Variants in RPS6KB1 observed in about 807,000 individuals in gnomAD.
The protein encoded by RPS6KB1 is ribosomal protein S6 kinase beta-1.
In RPS6KB1, 12 loss-of-function variants were observed where a neutral mutation model predicts 70.2. The observed-to-expected ratio is 0.17, with a 90% CI of 0.11 to 0.28. The LOEUF (loss-of-function observed/expected upper bound fraction) is 0.28, where lower values mean the gene tolerates loss of function less well. Among genes scored for constraint, RPS6KB1 ranks in the 10% least tolerant of loss-of-function variants. The pLI is 1.00. For synonymous variants in RPS6KB1, 175 were observed against 211.2 expected (o/e 0.83, Z 1.49); for missense variants, 270 against 646.6 (o/e 0.42, Z 6.32).
Position 59,947,732 on chromosome 17 carries a change from A to G in RPS6KB1, c.*944A>G, listed in dbSNP as rs2045011773. On this transcript the variant is annotated 3_prime_UTR_variant, in exon 15 of 15. Transcript: ENST00000225577. ...ACCAGTATTTGGTTCAAGACACCAA[A>G]TGTCTTCAGCCCATGGCTGAAGAAC... 1.5e-6 allele frequency: 1 copy of G among 657,868 alleles called. No homozygotes were observed. Among genetic ancestry groups the G allele is most frequent in the Non-Finnish European group, 2.8e-6 (1 of 359,302 alleles). 40.8% of individuals were successfully genotyped at this position (657,868 alleles called of 1,614,324 possible).
intron 3 of RPS6KB1, 85 bp from the exon 4 acceptor site, chr17:59,914,550 G>C: frequency 1.1e-6 from 1 of 929,268 alleles, no homozygotes; most frequent in South Asian, 1.4e-5. Flanking sequence ...AAACTGCTGT[G>C]GCATATGTTT....
chr17:59,916,233 T>G (rs1477855826), intron 4 of RPS6KB1, among the ~76,000 whole-genome samples: 1 of 152,172 alleles, frequency 6.6e-6, no homozygotes, highest in East Asian at 1.9e-4. Flanking sequence ...CCTGAGTGTC[T>G]GGGATTACAG....
At chr17:59,911,824 G>A (rs1449726595) in intron 2 of RPS6KB1, among the ~76,000 whole-genome samples, 1 of 151,620 alleles carries the variant, frequency 6.6e-6, no homozygotes, top group Admixed American at 6.6e-5. Context: ...TTGAACTCTC[G>A]ACCTCAAGTG....
chr17:59,903,802 A>G (rs902053801), intron 1 of RPS6KB1, among the ~76,000 whole-genome samples: 3 of 152,166 alleles, frequency 2.0e-5, no homozygotes, highest in Non-Finnish European at 2.9e-5. Flanking sequence ...ATGATGTTGA[A>G]CATCTTTCCA....
intron 1 of RPS6KB1, among the ~76,000 whole-genome samples, chr17:59,904,900 T>C (rs925244950): frequency 6.6e-6 from 1 of 152,076 alleles, no homozygotes; most frequent in Non-Finnish European, 1.5e-5. Flanking sequence ...TTTCACTATG[T>C]TGGCCAGGCT....
chr17:59,907,383 A>G (rs1462379227), intron 1 of RPS6KB1: 1 of 152,176 alleles, frequency 6.6e-6, no homozygotes, highest in South Asian at 2.1e-4. Context: ...GATAGGATTC[A>G]GTTGAATCCG....
chr17:59,894,991 C>G (rs939769362), intron 1 of RPS6KB1, among the ~76,000 whole-genome samples: 1 of 140,222 alleles, frequency 7.1e-6, no homozygotes, highest in Non-Finnish European at 1.5e-5. Context: ...TTTTTCTTTT[C>G]TTTTCTTTTC....
rs759339609 is a variant in RPS6KB1 at position 59,934,572 on chromosome 17, C to CA, written c.870+49dup. The CA allele has an allele frequency of 4.3e-6, 6 of 1,408,324 alleles. No individual in the cohort carries two copies. The highest frequency in any genetic ancestry group is 6.0e-6 in the Non-Finnish European group (6 of 996,148). The allele number at this position is 1,408,324 out of a possible 1,614,324, so 87.2% of individuals were successfully genotyped here. Reference sequence around the variant, plus strand: ...CATGTATTATTGGTCTGTGCTGAGTCACTATAGCAAGAGACCTGTCCTGTG... The same window carrying CA: ...CATGTATTATTGGTCTGTGCTGAGTCAACTATAGCAAGAGACCTGTCCTGTG... On this transcript the variant is annotated intron_variant, in intron 9 of 14. Coordinates refer to ENST00000225577, the MANE Select transcript of RPS6KB1 (RefSeq NM_003161.4). This position sits in a 1 kb window ranked among gnomAD's most constrained non-coding sequence, Gnocchi z 4.8.
At position 59,940,864 on chromosome 17, in the gene RPS6KB1, A is replaced by G; in HGVS notation, c.1148A>G (p.Asp383Gly). ...TCTGAAGAGGATGTAAGTCAGTTTG[A>G]TTCCAAGTTTACACGTCAGACACCT... Reference protein sequence around the residue: ...LQSEEDVSQFDSKFTRQTPVD... With the variant: ...LQSEEDVSQFGSKFTRQTPVD... Residue 383 changes from aspartate (D) to glycine (G), a missense_variant, in exon 13 of 15, where the codon GAT becomes GGT. By Grantham distance (94) the Asp-to-Gly change is moderately conservative. This residue lies in a region of RPS6KB1 where 133 missense variants were observed against 314.7 expected (regional missense o/e 0.42). Coordinates refer to ENST00000225577, the MANE Select transcript of RPS6KB1 (RefSeq NM_003161.4). 1 of 1,592,390 alleles carries G rather than the reference A, an allele frequency of 6.3e-7. No individual in the cohort carries two copies.
Position 59,930,096 on chromosome 17 carries a change from GT to G in RPS6KB1, c.530-15del, listed in dbSNP as rs748222562. On this transcript the variant is annotated intron_variant, in intron 5 of 14. Coordinates refer to ENST00000225577, the MANE Select transcript of RPS6KB1 (RefSeq NM_003161.4). ...AAATAAATATTGTTTTATTTATAAT[GT>G]TTTTTCTTTTTCTTTACAGGAGGAG... 1.0e-5 allele frequency: 12 copies of G among 1,188,072 alleles called. No homozygotes were observed. The highest frequency in any genetic ancestry group is 1.5e-5 in the Non-Finnish European group (12 of 792,138). The allele number at this position is 1,188,072 out of a possible 1,614,324, so 73.6% of individuals were successfully genotyped here.
In RPS6KB1 at chr17:59,893,473, G is replaced by A; in HGVS notation, c.141+148G>A. The stretch of plus-strand genomic sequence containing the variant: ...GCGGCCTGAGACAGGGGAGCGGGCG[G>A]GGCGGTCATGGCCCTAGGTGTGAGG... On this transcript the variant is annotated intron_variant, in intron 1 of 14. Coordinates refer to ENST00000225577, the MANE Select transcript of RPS6KB1 (RefSeq NM_003161.4). This position sits in a 1 kb window ranked among gnomAD's most constrained non-coding sequence, Gnocchi z 4.1. 1 of 842,996 alleles carries A rather than the reference G, an allele frequency of 1.2e-6. No homozygotes were observed. Among genetic ancestry groups the A allele is most frequent in the Non-Finnish European group, 1.8e-6 (1 of 548,166 alleles). 52.2% of individuals were successfully genotyped at this position (842,996 alleles called of 1,614,324 possible).
chr17:59,897,394 G>A (rs1044796619), intron 1 of RPS6KB1, among the ~76,000 whole-genome samples: 1 of 152,142 alleles, frequency 6.6e-6, no homozygotes, highest in African/African-American at 2.4e-5. Flanking sequence ...CATTGCTAAG[G>A]AACCAATCAT....
Position 59,947,449 on chromosome 17 carries a change from G to A in RPS6KB1, c.*661G>A, listed in dbSNP as rs1239337491. 4.6e-6 allele frequency: 6 copies of A among 1,307,484 alleles called. No individual in the cohort carries two copies. Among genetic ancestry groups the A allele is most frequent in the Non-Finnish European group, 5.9e-6 (6 of 1,020,724 alleles). The allele number at this position is 1,307,484 out of a possible 1,614,324, so 81.0% of individuals were successfully genotyped here. On this transcript the variant is annotated 3_prime_UTR_variant, in exon 15 of 15. Coordinates refer to ENST00000225577, the MANE Select transcript of RPS6KB1 (RefSeq NM_003161.4). ...CTTGGTGAAATAATAAAATGCAAATGAATCATTGTTAACCACAGCTGTGGC... is the reference window on the plus strand; with the variant it reads ...CTTGGTGAAATAATAAAATGCAAATAAATCATTGTTAACCACAGCTGTGGC...
At chr17:59,917,514 T>G (rs2043026993) in intron 4 of RPS6KB1, among the ~76,000 whole-genome samples, 2 of 152,038 alleles carry the variant, frequency 1.3e-5, no homozygotes, top group Non-Finnish European at 2.9e-5. Flanking sequence ...CATACTTCAC[T>G]GTAACCTGTA....
intron 4 of RPS6KB1, 126 bp downstream of exon 4, chr17:59,914,829 T>C: frequency 1.3e-6 from 1 of 762,472 alleles, no homozygotes. Context: ...AAATTTGCAG[T>C]CAAAAAAATG....
chr17:59,930,026 A>G (rs1468836143), intron 5 of RPS6KB1, 91 bp from the exon 6 acceptor site: 2 of 737,174 alleles, frequency 2.7e-6, no homozygotes, highest in Non-Finnish European at 4.8e-6. Context: ...TCTTTTAATT[A>G]TGGTTAGAAG....
At chr17:59,903,216 A>C (rs191080572) in intron 1 of RPS6KB1, among the ~76,000 whole-genome samples, 2 of 151,976 alleles carry the variant, frequency 1.3e-5, no homozygotes, top group African/African-American at 4.8e-5. Flanking sequence ...TGAGGCAAAG[A>C]ATTGCTTGAA....
At chr17:59,941,901 C>G (rs1204103899) in intron 13 of RPS6KB1, among the ~76,000 whole-genome samples, 1 of 150,794 alleles carries the variant, frequency 6.6e-6, no homozygotes, top group Non-Finnish European at 1.5e-5. Flanking sequence ...CTCTGTCGCC[C>G]AGGTTGGAGT....
chr17:59,930,900 G>C (rs879673443), intron 6 of RPS6KB1: 3 of 152,294 alleles, frequency 2.0e-5, no homozygotes, highest in Non-Finnish European at 4.4e-5. Context: ...GTTTGTGGTC[G>C]TGCTGGCTGT....
Sources: allele counts gnomAD v4.1 joint callset (sites outside exome capture counted in the v4.1 genomes callset), GRCh38; gene constraint gnomAD v4.1.1; regional missense constraint gnomAD v4.1.1; non-coding constraint Gnocchi (gnomAD v3.1); transcripts MANE v1.5; gene names NCBI Gene and HGNC (gene_info 2026-07-23, HGNC 2026-07-21).